Variants in TRABD2A observed in about 807,000 individuals in gnomAD.
TRABD2A encodes the protein TraB domain containing 2A.
In TRABD2A, 43 loss-of-function variants were observed where a neutral mutation model predicts 45.6. The observed-to-expected ratio is 0.94, with a 90% CI of 0.74 to 1.22. The LOEUF is 1.22. Ranked by LOEUF, TRABD2A falls within the 50% of genes most tolerant of loss-of-function variation. The probability of loss-of-function intolerance (pLI) is 0.00; values close to 1 mark genes in which losing one functional copy is unlikely to be tolerated. For synonymous variants in TRABD2A, 269 were observed against 265.0 expected, an observed-to-expected ratio of 1.02 and a Z score of -0.15; for missense variants, 642 against 652.4, an observed-to-expected ratio of 0.98 and a Z score of 0.17.
chr2:84,856,901 C>A (rs1269059025), intron 2 of TRABD2A, among the ~76,000 whole-genome samples: 1 of 152,146 alleles, frequency 6.6e-6, no homozygotes, highest in Admixed American at 6.5e-5. Flanking sequence ...GGAGAAAGGG[C>A]CTTTAAGAAG....
At chr2:84,845,393 A>G (rs955564691) in intron 2 of TRABD2A, among the ~76,000 whole-genome samples, 1 of 152,204 alleles carries the variant, frequency 6.6e-6, no homozygotes, top group Non-Finnish European at 1.5e-5. Context: ...AGTTTTGTGC[A>G]TTATAATGAT....
chr2:84,827,978 A>G (rs894900376), intron 5 of TRABD2A, among the ~76,000 whole-genome samples: 1 of 152,214 alleles, frequency 6.6e-6, no homozygotes, highest in Non-Finnish European at 1.5e-5. Flanking sequence ...CTCCAGAACT[A>G]TACAATAATG....
intron 1 of TRABD2A, among the ~76,000 whole-genome samples, chr2:84,877,406 C>T (rs540239110): frequency 2.0e-4 from 31 of 152,120 alleles, no homozygotes; most frequent in Non-Finnish European, 3.7e-4. Flanking sequence ...AACTGAACCA[C>T]GATTAACATG....
In TRABD2A at chr2:84,839,342, A is replaced by T. The variant is rs764199631; in HGVS notation, c.817-19T>A. ...TGGGAACCTCCACCAAAATAAAGAGAAAAAAAAATAAGGGGCAACAGAGTT... is the reference window on the plus strand; with the variant it reads ...TGGGAACCTCCACCAAAATAAAGAGTAAAAAAAATAAGGGGCAACAGAGTT... On this transcript the variant is annotated intron_variant, in intron 3 of 6. Coordinates refer to ENST00000409520, the MANE Select transcript of TRABD2A (RefSeq NM_001277053.2). The T allele has an allele frequency of 2.2e-5, 34 of 1,551,824 alleles. 1 individual carries two copies. In the South Asian group the frequency reaches 4.1e-4, roughly 19 times the overall value.
chr2:84,849,601 A>T (rs1407764687), intron 2 of TRABD2A: 2 of 152,242 alleles, frequency 1.3e-5, no homozygotes, highest in Non-Finnish European at 2.9e-5. Flanking sequence ...GCTCTCATGA[A>T]TCTCCACCTA....
chr2:84,863,239 CTTTTTTTTTTT>C (rs773927512), intron 2 of TRABD2A, among the ~76,000 whole-genome samples: 4 of 98,132 alleles, frequency 4.1e-5, no homozygotes, highest in African/African-American at 1.8e-4. Context: ...TCATGTGAAT[CTTTTTTTTTTT>C]TTTTTTTTTT....
chr2:84,874,700 G>A (rs1004395255), intron 1 of TRABD2A: 78 of 196,316 alleles, frequency 4.0e-4, no homozygotes, highest in African/African-American at 1.8e-3. Flanking sequence ...TGGCCACCAA[G>A]ATCAGCCCCC....
chr2:84,857,771 C>G (rs1221318318), intron 2 of TRABD2A, among the ~76,000 whole-genome samples: 1 of 152,152 alleles, frequency 6.6e-6, no homozygotes, highest in Non-Finnish European at 1.5e-5. Flanking sequence ...AGGCAACCTC[C>G]AACACCACTG....
At chr2:84,828,640 G>A (rs1681219802) in intron 5 of TRABD2A, among the ~76,000 whole-genome samples, 1 of 152,106 alleles carries the variant, frequency 6.6e-6, no homozygotes, top group Non-Finnish European at 1.5e-5. Context: ...AAACCTCTCA[G>A]GTCCCCCACT....
At chr2:84,868,014 G>A (rs1323764221) in intron 2 of TRABD2A, among the ~76,000 whole-genome samples, 3 of 152,204 alleles carry the variant, frequency 2.0e-5, no homozygotes, top group Non-Finnish European at 2.9e-5. Flanking sequence ...AACCATTGTG[G>A]AAGACAGTGT....
chr2:84,825,830 C>T (rs1051748582), intron 5 of TRABD2A, among the ~76,000 whole-genome samples: 1 of 152,142 alleles, frequency 6.6e-6, no homozygotes. Context: ...ATCAGATTCT[C>T]ATAGGATCGC....
intron 2 of TRABD2A, among the ~76,000 whole-genome samples, chr2:84,855,216 C>T (rs1682233372): frequency 6.6e-6 from 1 of 152,156 alleles, no homozygotes; most frequent in African/African-American, 2.4e-5. Flanking sequence ...TTTCAAATCT[C>T]TTTTAATTTG....
intron 2 of TRABD2A, among the ~76,000 whole-genome samples, chr2:84,867,023 G>A (rs1288803906): frequency 2.0e-5 from 3 of 151,832 alleles, no homozygotes; most frequent in East Asian, 1.9e-4. Context: ...AGCTGAGATC[G>A]TGCCATTACA....
At chr2:84,865,940 T>C (rs1682664291) in intron 2 of TRABD2A, among the ~76,000 whole-genome samples, 2 of 152,192 alleles carry the variant, frequency 1.3e-5, no homozygotes, top group Admixed American at 6.5e-5. Context: ...CAGCTGGCAG[T>C]ACCAAGCAGG....
rs200837426 is a variant in TRABD2A, at chr2:84,821,881, C to T, written c.*36G>A. On this transcript the variant is annotated 3_prime_UTR_variant, in exon 7 of 7. Coordinates refer to ENST00000409520, the MANE Select transcript of TRABD2A (RefSeq NM_001277053.2). ...TACAGGAATGGCCATTCTTCAAGTC[C>T]GAGGGGTCAGGTTCTTAGCCTGGTG... 1.2e-4 allele frequency: 182 copies of T among 1,515,104 alleles called. No individual in the cohort carries two copies. The African/African-American group carries it at 2.1e-3, about 17-fold the overall frequency. The allele number at this position is 1,515,104 out of a possible 1,614,324, so 93.9% of individuals were successfully genotyped here. A position where few individuals can be genotyped will look rare whatever the true frequency, so the allele number is the denominator to read the frequency against.
chr2:84,870,350 A>G lies in TRABD2A; in HGVS notation c.544T>C (p.Ser182Pro). ...VNSLTEVDIK[S>P]RGVPVLDLFL... ...AGGTCTAAGACAGGCACTCCACGGG[A>G]CTTAATGTCCACTTCAGTCAGGGAG... Residue 182 changes from serine (S) to proline (P), a missense_variant, in exon 2 of 7, where the codon TCC becomes CCC. Transcript: ENST00000409520. The G allele has an allele frequency of 6.2e-7, 1 of 1,613,984 alleles. No individual in the cohort carries two copies. Among genetic ancestry groups the G allele is most frequent in the Non-Finnish European group, 8.5e-7 (1 of 1,179,886 alleles).
intron 2 of TRABD2A, among the ~76,000 whole-genome samples, chr2:84,866,074 G>T (rs905937814): frequency 1.3e-5 from 2 of 152,214 alleles, no homozygotes; most frequent in Admixed American, 6.5e-5. Context: ...CTAACCTGTT[G>T]CCAGACTTCA....
chr2:84,871,069 A>G (rs1682859484), intron 1 of TRABD2A, among the ~76,000 whole-genome samples: 1 of 152,166 alleles, frequency 6.6e-6, no homozygotes, highest in African/African-American at 2.4e-5. Flanking sequence ...CTACCTCCAG[A>G]CATTCTGATC....
intron 2 of TRABD2A, among the ~76,000 whole-genome samples, chr2:84,852,999 T>C (rs1559092308): frequency 6.6e-6 from 1 of 151,972 alleles, no homozygotes; most frequent in East Asian, 1.9e-4. Context: ...GTTAAATTTT[T>C]CCCCCCACCC....
Sources: allele counts gnomAD v4.1 joint callset (sites outside exome capture counted in the v4.1 genomes callset), GRCh38; gene constraint gnomAD v4.1.1; transcripts MANE v1.5; gene names NCBI Gene and HGNC (gene_info 2026-07-23, HGNC 2026-07-21).